A2ML1: variants seen among roughly 807,000 people sequenced by gnomAD.
A2ML1 encodes alpha-2-macroglobulin like 1.
A2ML1 carries 161 observed loss-of-function variants against 181.9 expected under a neutral mutation model. That is an observed-to-expected ratio of 0.89 (90% CI 0.78 to 1.01). The LOEUF (loss-of-function observed/expected upper bound fraction) is 1.01. Ranked by LOEUF, A2ML1 falls within the 50% of genes least tolerant of loss-of-function variation. The pLI is 0.00. For synonymous variants in A2ML1, 663 were observed against 666.8 expected, an observed-to-expected ratio of 0.99 and a Z score of 0.09; for missense variants, 1,670 against 1,768.1, an observed-to-expected ratio of 0.94 and a Z score of 1.00.
Position 8,868,323 on chromosome 12 carries a change from T to C in A2ML1, c.4027T>C (p.Ser1343Pro). The change falls in exon 31 of 36, where the codon TCA (serine) becomes CCA (proline). Residue 1343 changes from serine (S) to proline (P), a missense_variant. Physicochemically the swap from Ser to Pro is moderately conservative, Grantham distance 74 (BLOSUM62 -1). Transcript: ENST00000299698. ...AAAAGCTAGATGTGAGCAACCGACT[T>C]CACCTCGATCCTTGACTCTCACTAT... ...IGKARCEQPT[S>P]PRSLTLTIHT... 6.8e-6 allele frequency: 11 copies of C among 1,613,442 alleles called. No individual in the cohort carries two copies. Among genetic ancestry groups the C allele is most frequent in the Non-Finnish European group, 9.3e-6 (11 of 1,179,878 alleles).
chr12:8,823,950 G>T, intron 3 of A2ML1, 68 bp downstream of exon 3: 1 of 1,512,528 alleles, frequency 6.6e-7, no homozygotes, highest in Non-Finnish European at 8.9e-7. Context: ...GTAAAGAGGG[G>T]ATTTGTGGTT....
intron 16 of A2ML1, among the ~76,000 whole-genome samples, chr12:8,849,184 C>T (rs1405575353): frequency 6.6e-6 from 1 of 152,118 alleles, no homozygotes; most frequent in East Asian, 1.9e-4. Context: ...CCAGAGGTCT[C>T]TTATCATTAT....
chr12:8,883,760 A>G (rs2137015133), intron 7 of A2ML1, among the ~76,000 whole-genome samples: 1 of 150,162 alleles, frequency 6.7e-6, no homozygotes, highest in South Asian at 2.1e-4. Context: ...TTATAGGTTG[A>G]GCCACCATAC....
intron 22 of A2ML1, 23 bp downstream of exon 22, chr12:8,854,854 T>C: frequency 1.9e-6 from 3 of 1,612,624 alleles, no homozygotes; most frequent in Non-Finnish European, 2.5e-6. Context: ...AGAGCAGGAT[T>C]GGTGGTGAGA....
At chr12:8,840,186 C>G (rs1943420886) in intron 10 of A2ML1, among the ~76,000 whole-genome samples, 1 of 151,974 alleles carries the variant, frequency 6.6e-6, no homozygotes, top group Non-Finnish European at 1.5e-5. Flanking sequence ...ATGGCGAAAA[C>G]TTGTCTCTGC....
chr12:8,857,214 C>T lies in A2ML1; in HGVS notation c.2899C>T (p.Pro967Ser). Reference sequence around the variant, plus strand: ...GAACCTGGATGGTCTGGTGCAGATGCCCAGTGGCTGTGGCGAGCAGAACAT... The same window carrying T: ...GAACCTGGATGGTCTGGTGCAGATGTCCAGTGGCTGTGGCGAGCAGAACAT... ...LQNLDGLVQM[P>S]SGCGEQNMVL... The change falls in exon 24 of 36, where the codon CCC (proline) becomes TCC (serine). Residue 967 changes from proline (P) to serine (S), a missense_variant. Pro to Ser is a moderately conservative substitution (Grantham distance 74). Transcript: ENST00000299698. 6.2e-7 allele frequency: 1 copy of T among 1,612,988 alleles called. No homozygotes were observed. The highest frequency in any genetic ancestry group is 2.2e-5 in the East Asian group (1 of 44,890).
downstream of A2ML1, among the ~76,000 whole-genome samples, chr12:8,877,099 C>G (rs1413550252): frequency 1.3e-5 from 2 of 152,212 alleles, no homozygotes; most frequent in Non-Finnish European, 2.9e-5. Context: ...CATGGGCTAT[C>G]TATCACCTAT....
chr12:8,843,397 T>G (rs762196972), intron 12 of A2ML1, 36 bp downstream of exon 12: 2 of 1,595,720 alleles, frequency 1.3e-6, no homozygotes, highest in Non-Finnish European at 1.7e-6. Flanking sequence ...GAGAGTATGC[T>G]GGGAAGGAAA....
chr12:8,834,797 C>A, intron 5 of A2ML1, 115 bp downstream of exon 5: 1 of 1,344,270 alleles, frequency 7.4e-7, no homozygotes, highest in Non-Finnish European at 1.1e-6. Context: ...AGCCCCATGA[C>A]TCTGCCCAGC....
chr12:8,874,737 C>G (rs757277698), intron 34 of A2ML1, among the ~76,000 whole-genome samples: 1 of 152,144 alleles, frequency 6.6e-6, no homozygotes, highest in African/African-American at 2.4e-5. Flanking sequence ...TTTATGTGAT[C>G]GGAGAACAAT....
intron 16 of A2ML1, 99 bp from the exon 17 acceptor site, chr12:8,849,570 A>C (rs779180480): frequency 5.6e-5 from 54 of 971,190 alleles, no homozygotes; most frequent in Middle Eastern, 2.1e-4. Context: ...TTCAAAAAGA[A>C]TGTTTTGTTT....
downstream of A2ML1, among the ~76,000 whole-genome samples, chr12:8,878,406 C>A (rs191460893): frequency 2.0e-5 from 3 of 152,130 alleles, no homozygotes; most frequent in Non-Finnish European, 4.4e-5. This position sits in a 1 kb window ranked among gnomAD's most constrained non-coding sequence, Gnocchi z 4.4. Flanking sequence ...AAACAGAAAA[C>A]CAAATACTGC....
At position 8,855,571 on chromosome 12, in the gene A2ML1, A is replaced by C; in HGVS notation, c.2827A>C (p.Lys943Gln). Residue 943 changes from lysine (K) to glutamine (Q), a missense_variant, in exon 23 of 36, where the codon AAG becomes CAG. By Grantham distance (53) the Lys-to-Gln change is moderately conservative (BLOSUM62 1). Coordinates refer to ENST00000299698, the MANE Select transcript of A2ML1 (RefSeq NM_144670.6). ...AGTGGACATTGTTCCTGACTCGACC[A>C]AGGCTTATGTTACGGTTCTGGGTAA... ...LPVDIVPDST[K>Q]AYVTVLGDIM... The C allele has an allele frequency of 2.5e-6, 4 of 1,614,148 alleles. No individual in the cohort carries two copies. The highest frequency in any genetic ancestry group is 3.4e-6 in the Non-Finnish European group (4 of 1,180,018).
At position 8,867,887 on chromosome 12, in the gene A2ML1, G is replaced by A. The variant is rs746473235; in HGVS notation, c.3763G>A (p.Ala1255Thr). 1.4e-5 allele frequency: 23 copies of A among 1,614,038 alleles called. No homozygotes were observed. Among genetic ancestry groups the A allele is most frequent in the Admixed American group, 1.7e-5 (1 of 59,996 alleles). The change falls in exon 30 of 36, where the codon GCC becomes ACC. Residue 1255 changes from alanine (A) to threonine (T), a missense_variant. By Grantham distance (58) the Ala-to-Thr change is moderately conservative (BLOSUM62 0). Transcript: ENST00000299698. The stretch of plus-strand genomic sequence containing the variant: ...AGCTCTTGCCAAATATGCCACTACC[G>A]CCTACATGCCATCTGAGGAGATCAA... ...LQALAKYATT[A>T]YMPSEEINLV... is the part of the protein sequence containing the mutation.
intron 13 of A2ML1, 81 bp downstream of exon 13, chr12:8,845,583 C>T (rs1263755528): frequency 3.5e-6 from 5 of 1,447,254 alleles, no homozygotes; most frequent in Admixed American, 3.7e-5. Flanking sequence ...CGCGGTGGCT[C>T]ATGCCTGTAA....
intron 18 of A2ML1, among the ~76,000 whole-genome samples, chr12:8,851,232 G>T (rs1164345123): frequency 1.3e-5 from 2 of 152,118 alleles, no homozygotes; most frequent in Admixed American, 1.3e-4. Context: ...CAGACTCAGA[G>T]GGCACCAGCC....
intron 33 of A2ML1, among the ~76,000 whole-genome samples, chr12:8,872,458 A>T (rs1391531844): frequency 6.6e-6 from 1 of 152,014 alleles, no homozygotes; most frequent in Non-Finnish European, 1.5e-5. Context: ...AACTCACTAC[A>T]TCTTAATATA....
At position 8,848,889 on chromosome 12, in the gene A2ML1, G is replaced by C; in HGVS notation, c.2003G>C (p.Gly668Ala). Residue 668 changes from glycine to alanine, a missense_variant, in exon 16 of 36, where the codon GGC (glycine) becomes GCC (alanine). Transcript: ENST00000299698. ...ATCTGGAGGCCCTCGTTCTCTGAAG[G>C]CACGGACCTTTTCAGCTTTTTCCGG... is the stretch of plus-strand genomic sequence containing the variant. ...SIIWRPSFSE[G>A]TDLFSFFRDV... 6.2e-7 allele frequency: 1 copy of C among 1,612,898 alleles called. No homozygotes were observed. Among genetic ancestry groups the C allele is most frequent in the Non-Finnish European group, 8.5e-7 (1 of 1,179,694 alleles).
intron 4 of A2ML1, among the ~76,000 whole-genome samples, chr12:8,830,028 G>T (rs2136731011): frequency 6.6e-6 from 1 of 152,194 alleles, no homozygotes; most frequent in East Asian, 1.9e-4. Context: ...TTGAGAGATG[G>T]TTATGCTCCT....
Sources: allele counts gnomAD v4.1 joint callset (sites outside exome capture counted in the v4.1 genomes callset), GRCh38; gene constraint gnomAD v4.1.1; non-coding constraint Gnocchi (gnomAD v3.1); transcripts MANE v1.5; gene names NCBI Gene and HGNC (gene_info 2026-07-23, HGNC 2026-07-21).